Variants in MAPK10 observed in about 807,000 individuals in gnomAD.
MAPK10 encodes the protein mitogen-activated protein kinase 10.
A neutral mutation model predicts 59.3 loss-of-function variants in MAPK10; 25 were observed. The ratio of observed to expected loss-of-function variants is 0.42; its 90% CI spans 0.31 to 0.59. The LOEUF is 0.59. Among genes scored for constraint, MAPK10 ranks in the 20% least tolerant of loss-of-function variants. MAPK10 has a pLI of 0.15. For synonymous variants in MAPK10, 190 were observed against 200.5 expected (o/e 0.95, Z 0.44); for missense variants, 351 against 568.9 (o/e 0.62, Z 3.90).
intron 1 of MAPK10, among the ~76,000 whole-genome samples, chr4:86,441,019 G>T (rs927041215): frequency 2.0e-5 from 3 of 152,144 alleles, no homozygotes; most frequent in African/African-American, 4.8e-5. Context: ...AGTGATGGAT[G>T]AATCATCAAG....
At chr4:86,489,083 C>A (rs1754259203) in intron 1 of MAPK10, among the ~76,000 whole-genome samples, 1 of 152,174 alleles carries the variant, frequency 6.6e-6, no homozygotes, top group South Asian at 2.1e-4. Flanking sequence ...CAACAGCCAC[C>A]TGACATCTGA....
At chr4:86,141,155 A>G (rs1477771070) in intron 4 of MAPK10, among the ~76,000 whole-genome samples, 1 of 152,230 alleles carries the variant, frequency 6.6e-6, no homozygotes, top group African/African-American at 2.4e-5. Context: ...CATGTTCTAA[A>G]GAGTTCACCC....
chr4:86,097,461 A>G (rs2054461288), intron 9 of MAPK10, among the ~76,000 whole-genome samples: 2 of 152,120 alleles, frequency 1.3e-5, no homozygotes, highest in South Asian at 2.1e-4. Flanking sequence ...CTTACATAAT[A>G]GAAGGATTCC....
At position 86,378,504 on chromosome 4, in the gene MAPK10, A is replaced by G. The variant is rs1164804896; in HGVS notation, c.-121-23860T>C. On this transcript the variant is annotated intron_variant, in intron 1 of 13. Transcript: ENST00000361569. Reference sequence around the variant, plus strand: ...GCAGTTACTCTTTTCGACATATTAAATGTTGATATGTTCATTTTCTGTCTC... The same window carrying G: ...GCAGTTACTCTTTTCGACATATTAAGTGTTGATATGTTCATTTTCTGTCTC... Among the ~76,000 whole-genome samples the G allele has an allele frequency of 3.3e-5, 5 of 152,258 alleles. No individual in the cohort carries two copies. In the East Asian group the frequency reaches 9.7e-4, roughly 29 times the overall value.
intron 1 of MAPK10, among the ~76,000 whole-genome samples, chr4:86,397,436 A>G (rs1262911839): frequency 6.6e-6 from 1 of 152,142 alleles, no homozygotes; most frequent in Non-Finnish European, 1.5e-5. Context: ...ACAACTACAT[A>G]TTTCATGTAG....
chr4:86,186,664 T>A (rs1428838112), intron 3 of MAPK10, among the ~76,000 whole-genome samples: 1 of 152,158 alleles, frequency 6.6e-6, no homozygotes, highest in Middle Eastern at 3.2e-3. Context: ...ATAATCATGC[T>A]GAAAAACTGA....
chr4:86,299,040 A>C (rs1221169551), intron 2 of MAPK10, among the ~76,000 whole-genome samples: 1 of 152,210 alleles, frequency 6.6e-6, no homozygotes, highest in Non-Finnish European at 1.5e-5. Context: ...TATTATTAGA[A>C]TACTTGTGAG....
intron 1 of MAPK10, among the ~76,000 whole-genome samples, chr4:86,520,004 T>C (rs1347268922): frequency 2.0e-5 from 3 of 152,230 alleles, no homozygotes; most frequent in African/African-American, 4.8e-5. Flanking sequence ...TGACAGGTTT[T>C]CCTTTATAAG....
intron 1 of MAPK10, among the ~76,000 whole-genome samples, chr4:86,389,238 G>A (rs746682875): frequency 6.6e-6 from 1 of 152,056 alleles, no homozygotes; most frequent in Admixed American, 6.6e-5. Flanking sequence ...CACCATGATT[G>A]TGAGTTTCCT....
At chr4:86,470,913 T>C (rs1752600885) in intron 1 of MAPK10, among the ~76,000 whole-genome samples, 1 of 152,224 alleles carries the variant, frequency 6.6e-6, no homozygotes, top group East Asian at 1.9e-4. Context: ...CCAAAACTAC[T>C]TACCAAAACA....
intron 1 of MAPK10, among the ~76,000 whole-genome samples, chr4:86,548,402 C>T (rs758762710): frequency 3.4e-4 from 51 of 152,176 alleles, no homozygotes; most frequent in African/African-American, 1.2e-3. Flanking sequence ...CAGCTTCATT[C>T]CTGAAGTCAG....
rs908648137 is a variant in MAPK10 at position 86,029,204 on chromosome 4, A to G, written c.1245T>C (p.Ser415=). 1.2e-6 allele frequency: 2 copies of G among 1,606,576 alleles called. No individual in the cohort carries two copies. The highest frequency in any genetic ancestry group is 1.7e-6 in the Non-Finnish European group (2 of 1,173,534). Residue 415 remains serine, a synonymous_variant, in exon 13 of 14, where the codon TCT becomes TCC. Transcript: ENST00000641462. ...TTCACGGAGAGTGAGTACCTGAAGG[A>G]GAAGGCTGTCCTTTTACTACACCAT... ...TKNGVVKGQP[S]PSGAAVNSSE... is the part of the protein sequence containing the mutation.
chr4:86,268,542 T>G (rs973355768), intron 2 of MAPK10: 2 of 152,226 alleles, frequency 1.3e-5, no homozygotes, highest in Non-Finnish European at 2.9e-5. Flanking sequence ...CCCTCAGGTC[T>G]CATGCCCCTC....
intron 2 of MAPK10, among the ~76,000 whole-genome samples, chr4:86,265,214 T>C (rs2094182507): frequency 6.6e-6 from 1 of 151,962 alleles, no homozygotes; most frequent in African/African-American, 2.4e-5. Context: ...CCAACAGCCT[T>C]AAAAAGTATT....
At chr4:86,453,557 G>C (rs1221927997), upstream of MAPK10, 1 of 149,174 alleles carries the variant, frequency 6.7e-6, no homozygotes, top group Non-Finnish European at 1.5e-5. Flanking sequence ...ATTGACCTGG[G>C]AACCTCACCC....
chr4:86,306,780 A>G (rs2095575834), intron 2 of MAPK10, among the ~76,000 whole-genome samples: 1 of 152,198 alleles, frequency 6.6e-6, no homozygotes, highest in African/African-American at 2.4e-5. Context: ...ATTGAACTCT[A>G]ACATTTTTCT....
intron 11 of MAPK10, among the ~76,000 whole-genome samples, chr4:86,047,403 C>T (rs1350851008): frequency 1.3e-5 from 2 of 152,046 alleles, no homozygotes; most frequent in Admixed American, 1.3e-4. Context: ...AAAGGGGGAG[C>T]TTGCTTGGTG....
intron 1 of MAPK10, among the ~76,000 whole-genome samples, chr4:86,422,683 A>G (rs1746687203): frequency 6.6e-6 from 1 of 152,222 alleles, no homozygotes; most frequent in Non-Finnish European, 1.5e-5. Flanking sequence ...AGGATATTTA[A>G]CACACTCTCC....
At chr4:86,183,143 TTTA>T (rs1379051202) in intron 3 of MAPK10, among the ~76,000 whole-genome samples, 10 of 152,066 alleles carry the variant, frequency 6.6e-5, no homozygotes, top group Non-Finnish European at 1.3e-4. Context: ...CTGGTTTTTT[TTTA>T]TTATTATTAT....
Sources: allele counts gnomAD v4.1 joint callset (sites outside exome capture counted in the v4.1 genomes callset), GRCh38; gene constraint gnomAD v4.1.1; transcripts MANE v1.5; gene names NCBI Gene and HGNC (gene_info 2026-07-23, HGNC 2026-07-21).